TBRG4: variants seen among roughly 807,000 people sequenced by gnomAD.
The protein encoded by TBRG4 is FAST kinase domain-containing protein 4.
Under a neutral mutation model 65.6 loss-of-function variants are expected in TBRG4, and 43 were observed. The observed-to-expected ratio is 0.66, with a 90% CI of 0.51 to 0.85. TBRG4 has a LOEUF of 0.85. TBRG4 is among the 40% of genes least tolerant of loss of function. The probability of loss-of-function intolerance (pLI) is 0.00; values close to 1 mark genes in which losing one functional copy is unlikely to be tolerated. For missense variants in TBRG4, 709 were observed against 787.9 expected (o/e 0.90, Z 1.20); for synonymous variants, 366 against 341.4 (o/e 1.07, Z -0.79).
In TBRG4 at chr7:45,105,799, G is replaced by T. The variant is rs567849362; in HGVS notation, c.412-35C>A. On this transcript the variant is annotated intron_variant, in intron 2 of 10. Transcript: ENST00000258770. ...GAAAGGACACAGGAGAAATGATGTG[G>T]CACTGTCAGTCCTGTGTGTGAGCTG... is the stretch of plus-strand genomic sequence containing the variant. 13 of 1,576,622 alleles carry T rather than the reference G, an allele frequency of 8.2e-6. 1 individual carries two copies. In the South Asian group the frequency reaches 1.5e-4, roughly 19 times the overall value.
In TBRG4 at chr7:45,104,660, A is replaced by G; in HGVS notation, c.785T>C (p.Leu262Pro). The change falls in exon 4 of 11, where the codon CTG (leucine) becomes CCG (proline). Residue 262 changes from leucine (L) to proline (P), a missense_variant. Physicochemically the swap from Leu to Pro is moderately conservative, Grantham distance 98. Coordinates refer to ENST00000258770, the MANE Select transcript of TBRG4 (RefSeq NM_004749.4). ...HFGPNELRKV[L>P]VMLAAQSRRS... ...CCGGCTCTGAGCTGCCAGCATCACCAGCACCTTCCGCAGCTCATTGGGGCC... is the reference window on the plus strand; with the variant it reads ...CCGGCTCTGAGCTGCCAGCATCACCGGCACCTTCCGCAGCTCATTGGGGCC... 1 of 1,613,938 alleles carries G rather than the reference A, an allele frequency of 6.2e-7. No homozygotes were observed. Among genetic ancestry groups the G allele is most frequent in the Non-Finnish European group, 8.5e-7 (1 of 1,180,020 alleles).
chr7:45,104,208 T>A lies in TBRG4; in HGVS notation c.956A>T (p.Asp319Val), dbSNP rs755144341. 2 of 1,614,160 alleles carry A rather than the reference T, an allele frequency of 1.2e-6. No individual in the cohort carries two copies. The highest frequency in any genetic ancestry group is 1.6e-4 in the Middle Eastern group (1 of 6,062). ...CAGGCTGGGCATGAGGGATAGCAGG[T>A]CGGTGGCCAGGCGCTGGGACACCTG... ...QTQVSQRLAT[D>V]LLSLMPSLTS... The change falls in exon 5 of 11, where the codon GAC (aspartate) becomes GTC (valine). Residue 319 changes from aspartate to valine, a missense_variant. Transcript: ENST00000258770.
Position 45,100,431 on chromosome 7 carries a change from AAGG to A in TBRG4, c.1795-8_1795-6del. On this transcript the variant is annotated splice_region_variant and splice_polypyrimidine_tract_variant and intron_variant, in intron 10 of 10. Transcript: ENST00000258770. ...CAGCCACTCATAGAATGGGACCTAG[AAGG>A]AGGCAGGGGAGACAGGTCACATGGG... The A allele has an allele frequency of 1.2e-6, 2 of 1,612,866 alleles. No homozygotes were observed. Among genetic ancestry groups the A allele is most frequent in the Non-Finnish European group, 1.7e-6 (2 of 1,178,980 alleles).
chr7:45,107,895 T>C (rs903431095), intron 2 of TBRG4: 12 of 152,498 alleles, frequency 7.9e-5, no homozygotes, highest in Non-Finnish European at 1.6e-4. Context: ...GAAATAATTA[T>C]GTACTGTAAC....
rs1784766978 is a variant in TBRG4 at position 45,101,577 on chromosome 7, C to T, written c.1605G>A (p.Leu535=). 6.2e-7 allele frequency: 1 copy of T among 1,613,674 alleles called. No homozygotes were observed. Among genetic ancestry groups the T allele is most frequent in the African/African-American group, 1.3e-5 (1 of 74,926 alleles). Residue 535 remains leucine (L), a synonymous_variant, in exon 9 of 11, where the codon CTG becomes CTA. Coordinates refer to ENST00000258770, the MANE Select transcript of TBRG4 (RefSeq NM_004749.4). ...GAGGTGCCACAAAGTCCCTTACGGGCAGAAACTCGCCGTCACTGTCCAGCA... is the reference window on the plus strand; with the variant it reads ...GAGGTGCCACAAAGTCCCTTACGGGTAGAAACTCGCCGTCACTGTCCAGCA... ...EVLLDSDGEF[L]PVRDFVAPHL...
chr7:45,102,531 C>CT (rs1784801788), intron 6 of TBRG4, 40 bp from the exon 7 acceptor site: 2 of 1,592,950 alleles, frequency 1.3e-6, no homozygotes, highest in East Asian at 2.2e-5. Context: ...GCAGGCTCTC[C>CT]TTAGGGGCTG....
chr7:45,108,770 A>G (rs575304047), intron 2 of TBRG4, 57 bp downstream of exon 2: 1 of 1,443,266 alleles, frequency 6.9e-7, no homozygotes, highest in Admixed American at 2.6e-5. Flanking sequence ...TGTGGACCCC[A>G]GCATTTCTGG....
At position 45,105,772 on chromosome 7, in the gene TBRG4, G is replaced by C; in HGVS notation, c.412-8C>G. 1 of 1,596,832 alleles carries C rather than the reference G, an allele frequency of 6.3e-7. No homozygotes were observed. The highest frequency in any genetic ancestry group is 8.5e-7 in the Non-Finnish European group (1 of 1,169,636). ...ATGCCAGACCGAGGCAATCTAGGCAGAGAAAGGACACAGGAGAAATGATGT... is the reference window on the plus strand; with the variant it reads ...ATGCCAGACCGAGGCAATCTAGGCACAGAAAGGACACAGGAGAAATGATGT... On this transcript the variant is annotated splice_polypyrimidine_tract_variant and splice_region_variant and intron_variant, in intron 2 of 10. Coordinates refer to ENST00000258770, the MANE Select transcript of TBRG4 (RefSeq NM_004749.4).
rs770574123 is a variant in TBRG4, at chr7:45,104,593, C to T, written c.852G>A (p.Val284=). The change falls in exon 4 of 11, where the codon GTG becomes GTA. Residue 284 remains valine (V), a synonymous_variant. Coordinates refer to ENST00000258770, the MANE Select transcript of TBRG4 (RefSeq NM_004749.4). ...CTTTCGTCAGAGAGAAGGGCTTCTG[C>T]ACCAGGTGGTAGGAGATGGCCCGCA... ...PLLRAISYHL[V]QKPFSLTKDV... is the part of the protein sequence containing the mutation. 4.3e-6 allele frequency: 7 copies of T among 1,613,960 alleles called. No individual in the cohort carries two copies. The highest frequency in any genetic ancestry group is 5.9e-6 in the Non-Finnish European group (7 of 1,180,004).
intron 1 of TBRG4, among the ~76,000 whole-genome samples, chr7:45,109,729 C>T (rs1282899732): frequency 6.6e-6 from 1 of 151,972 alleles, no homozygotes; most frequent in Non-Finnish European, 1.5e-5. Context: ...GTAATCCCAG[C>T]ACTTTGGGAG....
intron 6 of TBRG4, chr7:45,103,123 G>T: frequency 1.7e-6 from 1 of 591,684 alleles, no homozygotes; most frequent in South Asian, 2.0e-5. Flanking sequence ...AGCGCTGCCT[G>T]GCAGGGCAGT....
intron 2 of TBRG4, chr7:45,107,387 G>T (rs922563866): frequency 2.0e-5 from 3 of 152,236 alleles, no homozygotes; most frequent in Non-Finnish European, 4.4e-5. Flanking sequence ...TGTGTCCACA[G>T]GGCCCACAGT....
chr7:45,103,144 G>A (rs1447987991), intron 6 of TBRG4, 189 bp downstream of exon 6: 1 of 608,324 alleles, frequency 1.6e-6, no homozygotes, highest in Non-Finnish European at 3.0e-6. Flanking sequence ...CAACCAGACA[G>A]CAGGATTTCA....
rs78127448 is a variant in TBRG4, at chr7:45,100,173, C to T, written c.*152G>A. The T allele has an allele frequency of 1.6e-6, 1 of 618,962 alleles. No homozygotes were observed. Among genetic ancestry groups the T allele is most frequent in the Non-Finnish European group, 2.8e-6 (1 of 355,600 alleles). 38.3% of individuals were successfully genotyped at this position (618,962 alleles called of 1,614,324 possible). A position where few individuals can be genotyped will look rare whatever the true frequency, so the allele number is the denominator to read the frequency against. On this transcript the variant is annotated 3_prime_UTR_variant, in exon 11 of 11. Transcript: ENST00000258770. ...ACCAAAATTAAAGGTTTATTATACA[C>T]AAGAGGACGTTCTGTCCCTCAGAGT...
At chr7:45,104,998 GC>G in intron 3 of TBRG4, 1 of 743,410 alleles carries the variant, frequency 1.3e-6, no homozygotes, top group Non-Finnish European at 2.5e-6. Flanking sequence ...ATCTGGGCCA[GC>G]CCCCGCTATG....
At position 45,109,208 on chromosome 7, in the gene TBRG4, C is replaced by T. The variant is rs772558235; in HGVS notation, c.30G>A (p.Thr10=). The change falls in exon 2 of 11, where the codon ACG becomes ACA. Residue 10 remains threonine (T), a synonymous_variant. Coordinates refer to ENST00000258770, the MANE Select transcript of TBRG4 (RefSeq NM_004749.4). ...GACGAGCAGCTTCTCTCAGGAGGCA[C>T]GTGCATCGCTTTACCAGGTGAGCTG... The part of the protein sequence containing the change: MAAHLVKRC[T]CLLREAARQA... 35 of 1,607,344 alleles carry T rather than the reference C, an allele frequency of 2.2e-5. No homozygotes were observed. Among genetic ancestry groups the T allele is most frequent in the Middle Eastern group, 3.3e-4 (2 of 6,036 alleles).
At chr7:45,101,734 G>C in intron 8 of TBRG4, 91 bp downstream of exon 8, 3 of 1,596,916 alleles carry the variant, frequency 1.9e-6, no homozygotes, top group Non-Finnish European at 2.5e-6. Flanking sequence ...CAGCTCCCTA[G>C]GTCAGTACTT....
At chr7:45,111,132 C>A (rs1286128307) in intron 1 of TBRG4, among the ~76,000 whole-genome samples, 1 of 152,180 alleles carries the variant, frequency 6.6e-6, no homozygotes, top group Non-Finnish European at 1.5e-5. Flanking sequence ...CGCGCCACCA[C>A]ACCTGGCTAA....
intron 3 of TBRG4, chr7:45,105,146 C>G (rs531359442): frequency 3.2e-5 from 21 of 646,848 alleles, no homozygotes; most frequent in East Asian, 8.4e-5. Context: ...CCATGCCCCC[C>G]TCTCAAGATC....
Sources: allele counts gnomAD v4.1 joint callset (sites outside exome capture counted in the v4.1 genomes callset), GRCh38; gene constraint gnomAD v4.1.1; transcripts MANE v1.5; gene names NCBI Gene and HGNC (gene_info 2026-07-23, HGNC 2026-07-21).